GPC6: variants seen among roughly 807,000 people sequenced by gnomAD.
GPC6 encodes the protein glypican-6.
GPC6 carries 14 observed loss-of-function variants against 55.2 expected under a neutral mutation model. The observed-to-expected ratio is 0.25, with a 90% CI of 0.17 to 0.40. The LOEUF (loss-of-function observed/expected upper bound fraction) is 0.40, where lower values mean the gene tolerates loss of function less well. Ranked by LOEUF, GPC6 falls within the 10% of genes least tolerant of loss-of-function variation. GPC6 has a pLI of 1.00. For missense variants in GPC6, 641 were observed against 708.5 expected (o/e 0.90, Z 1.08); for synonymous variants, 278 against 259.6 (o/e 1.07, Z -0.68).
intron 2 of GPC6, among the ~76,000 whole-genome samples, chr13:93,678,194 C>T (rs111511037): frequency 9.9e-5 from 15 of 152,228 alleles, no homozygotes; most frequent in African/African-American, 3.1e-4. Context: ...TATGCATACC[C>T]TTTCACAACT....
intron 3 of GPC6, among the ~76,000 whole-genome samples, chr13:93,891,217 A>T (rs1442011477): frequency 6.6e-6 from 1 of 152,168 alleles, no homozygotes; most frequent in Non-Finnish European, 1.5e-5. Context: ...AAGTATACCT[A>T]AAAAAGACAT....
intron 3 of GPC6, among the ~76,000 whole-genome samples, chr13:93,972,602 C>T (rs765559321): frequency 1.3e-5 from 2 of 152,102 alleles, no homozygotes; most frequent in Non-Finnish European, 2.9e-5. Context: ...TAGACAGTTA[C>T]TGTGAGTTCT....
chr13:93,272,446 G>A (rs1349464616), intron 1 of GPC6, among the ~76,000 whole-genome samples: 1 of 148,658 alleles, frequency 6.7e-6, no homozygotes. Context: ...TTTAAGCACT[G>A]AAATTTGAGA....
At chr13:93,691,759 A>G (rs1882264613) in intron 2 of GPC6, among the ~76,000 whole-genome samples, 1 of 152,036 alleles carries the variant, frequency 6.6e-6, no homozygotes, top group Non-Finnish European at 1.5e-5. Context: ...CTATGTTATG[A>G]TAAGTTATGA....
chr13:93,409,069 G>A (rs536721460), intron 1 of GPC6, among the ~76,000 whole-genome samples: 16 of 151,902 alleles, frequency 1.1e-4, no homozygotes, highest in African/African-American at 3.9e-4. Flanking sequence ...CAGACTGGAG[G>A]GAAGTAAAAC....
chr13:94,202,929 A>G (rs1413218815), intron 4 of GPC6, among the ~76,000 whole-genome samples: 3 of 152,148 alleles, frequency 2.0e-5, no homozygotes, highest in Non-Finnish European at 4.4e-5. Flanking sequence ...AGAACTCTCC[A>G]TGAAAGGTAG....
At chr13:93,322,431 C>CTTTTTTTTTTTTTT (rs71272281) in intron 1 of GPC6, among the ~76,000 whole-genome samples, 1 of 96,788 alleles carries the variant, frequency 1.0e-5, no homozygotes, top group African/African-American at 4.2e-5. Context: ...TTTCTTTCTT[C>CTTTTTTTTTTTTTT]TTTTTTTTTT....
intron 4 of GPC6, among the ~76,000 whole-genome samples, chr13:94,212,925 A>G (rs1005884309): frequency 2.8e-4 from 43 of 152,234 alleles, no homozygotes; most frequent in African/African-American, 9.6e-4. Flanking sequence ...TGGGAGGCCA[A>G]GGTGGGCAGA....
intron 2 of GPC6, among the ~76,000 whole-genome samples, chr13:93,631,306 T>C (rs1461411566): frequency 6.6e-6 from 1 of 152,146 alleles, no homozygotes; most frequent in Non-Finnish European, 1.5e-5. Flanking sequence ...TCTGTGGCTC[T>C]ACCCCAGTGC....
chr13:93,237,585 T>G (rs141476558), intron 1 of GPC6, among the ~76,000 whole-genome samples: 3 of 152,306 alleles, frequency 2.0e-5, no homozygotes, highest in African/African-American at 7.2e-5. Flanking sequence ...GTCTAACTTA[T>G]GTATTTTTGT....
At chr13:94,135,171 CCTTT>C (rs1887139235) in intron 4 of GPC6, among the ~76,000 whole-genome samples, 1 of 151,778 alleles carries the variant, frequency 6.6e-6, no homozygotes, top group African/African-American at 2.4e-5. Flanking sequence ...TACAAAATTT[CCTTT>C]CTTTCTTTTT....
intron 2 of GPC6, among the ~76,000 whole-genome samples, chr13:93,820,918 A>C (rs911486501): frequency 6.6e-6 from 1 of 152,170 alleles, no homozygotes; most frequent in African/African-American, 2.4e-5. Flanking sequence ...GAGTTTTCAG[A>C]GCACATTTTA....
chr13:93,912,041 T>A (rs1481780620), intron 3 of GPC6, among the ~76,000 whole-genome samples: 2 of 152,164 alleles, frequency 1.3e-5, no homozygotes, highest in African/African-American at 4.8e-5. Context: ...CCTGTGACAC[T>A]AAGCATGAGA....
intron 2 of GPC6, among the ~76,000 whole-genome samples, chr13:93,825,855 A>ATT (rs1887216130): frequency 8.7e-6 from 1 of 114,648 alleles, no homozygotes; most frequent in East Asian, 2.7e-4. Flanking sequence ...TTATTTTATT[A>ATT]TTTTCTTTTT....
chr13:93,835,003 T>A (rs1176954718), intron 3 of GPC6, among the ~76,000 whole-genome samples: 2 of 152,162 alleles, frequency 1.3e-5, no homozygotes, highest in Non-Finnish European at 2.9e-5. Context: ...TGAAGGCTTG[T>A]CAGACATTGT....
At chr13:94,015,309 G>A (rs1289563638) in intron 3 of GPC6, among the ~76,000 whole-genome samples, 2 of 152,238 alleles carry the variant, frequency 1.3e-5, no homozygotes, top group East Asian at 3.9e-4. Context: ...TGTTGAGTCT[G>A]TTAGCCATTT....
At chr13:94,187,615 CA>C (rs1889247144) in intron 4 of GPC6, among the ~76,000 whole-genome samples, 1 of 152,218 alleles carries the variant, frequency 6.6e-6, no homozygotes, top group East Asian at 1.9e-4. Context: ...AGGTATTCAA[CA>C]AATACTTATA....
intron 2 of GPC6, among the ~76,000 whole-genome samples, chr13:93,608,631 C>A (rs1878341270): frequency 6.6e-6 from 1 of 152,140 alleles, no homozygotes; most frequent in Admixed American, 6.6e-5. Flanking sequence ...CCACAACAGT[C>A]CTCAGATGGC....
At chr13:93,562,638 A>G (rs1053129165) in intron 2 of GPC6, among the ~76,000 whole-genome samples, 4 of 152,204 alleles carry the variant, frequency 2.6e-5, no homozygotes, top group Non-Finnish European at 5.9e-5. Context: ...GTTTTCTGAT[A>G]AAGAAAAAGC....
Sources: gnomAD v4.1 joint callset for allele counts (sites outside exome capture counted in the v4.1 genomes callset) on GRCh38, gnomAD v4.1.1 for gene constraint, MANE v1.5 for transcripts, NCBI Gene and HGNC (gene_info 2026-07-23, HGNC 2026-07-21) for gene names.